The following ADGRL2 variants were observed in gnomAD, a reference collection of about 807,000 sequenced individuals.
ADGRL2 encodes the protein adhesion G protein-coupled receptor L2, also known as calcium-independent alpha-latrotoxin receptor 2.
A neutral mutation model predicts 157.4 loss-of-function variants in ADGRL2; 44 were observed. That is an observed-to-expected ratio of 0.28 (90% CI 0.22 to 0.36). The LOEUF (loss-of-function observed/expected upper bound fraction) is 0.36, where lower values mean the gene tolerates loss of function less well. Ranked by LOEUF, ADGRL2 falls within the 10% of genes least tolerant of loss-of-function variation. The pLI is 1.00. For missense variants in ADGRL2, 1,510 were observed against 1,768.9 expected, an observed-to-expected ratio of 0.85 and a Z score of 2.63; for synonymous variants, 585 against 624.7, an observed-to-expected ratio of 0.94 and a Z score of 0.95.
intron 3 of ADGRL2, among the ~76,000 whole-genome samples, chr1:81,648,988 C>T (rs972575505): frequency 2.0e-5 from 3 of 152,160 alleles, no homozygotes; most frequent in African/African-American, 7.2e-5. Flanking sequence ...AGTATTCCAG[C>T]TCAGGCATTA....
chr1:81,325,220 C>T (rs775485781), intron 1 of ADGRL2, among the ~76,000 whole-genome samples: 5 of 152,236 alleles, frequency 3.3e-5, no homozygotes, highest in South Asian at 2.1e-4. Flanking sequence ...ACCCAGTCCA[C>T]GAAAGAACTG....
At chr1:81,485,388 AT>A (rs1328695708) in intron 2 of ADGRL2, among the ~76,000 whole-genome samples, 1 of 152,106 alleles carries the variant, frequency 6.6e-6, no homozygotes, top group Non-Finnish European at 1.5e-5. Context: ...ATTTTGAGTG[AT>A]TTTTTGAACA....
intron 3 of ADGRL2, among the ~76,000 whole-genome samples, chr1:81,928,732 T>G (rs2095165041): frequency 6.6e-6 from 1 of 152,268 alleles, no homozygotes; most frequent in Middle Eastern, 3.4e-3. Context: ...GCATATACAA[T>G]TCACCTAAGG....
intron 2 of ADGRL2, among the ~76,000 whole-genome samples, chr1:81,552,187 C>T (rs1218808838): frequency 6.6e-6 from 1 of 152,034 alleles, no homozygotes; most frequent in Non-Finnish European, 1.5e-5. Flanking sequence ...TCCACTAGGC[C>T]CGAGAAGAGT....
intron 1 of ADGRL2, among the ~76,000 whole-genome samples, chr1:81,415,925 C>G (rs535895214): frequency 6.6e-6 from 1 of 151,544 alleles, no homozygotes; most frequent in South Asian, 2.1e-4. Flanking sequence ...ACTGCAAGCT[C>G]GGCCTCCCGG....
At chr1:81,985,615 A>G (rs1318372136) in intron 21 of ADGRL2, among the ~76,000 whole-genome samples, 1 of 151,956 alleles carries the variant, frequency 6.6e-6, no homozygotes, top group East Asian at 1.9e-4. Flanking sequence ...TATTCACATG[A>G]AACAGTACCA....
chr1:81,431,326 C>T (rs562217144), intron 1 of ADGRL2, among the ~76,000 whole-genome samples: 1 of 148,978 alleles, frequency 6.7e-6, no homozygotes, highest in East Asian at 2.2e-4. Context: ...CCCCACTAAG[C>T]CTAACCACAA....
At chr1:81,874,700 T>C (rs1376585960) in intron 2 of ADGRL2, among the ~76,000 whole-genome samples, 1 of 151,864 alleles carries the variant, frequency 6.6e-6, no homozygotes, top group East Asian at 1.9e-4. Flanking sequence ...GCTTCTCTTC[T>C]CTTCTCTTTT....
At chr1:81,390,376 G>A (rs1264360506) in intron 1 of ADGRL2, among the ~76,000 whole-genome samples, 19 of 152,392 alleles carry the variant, frequency 1.2e-4, no homozygotes, top group African/African-American at 4.1e-4. Context: ...ACTGCAAATG[G>A]TCTGCACAAA....
intron 2 of ADGRL2, among the ~76,000 whole-genome samples, chr1:81,891,669 T>TGTAGA (rs1338067776): frequency 2.0e-5 from 3 of 152,182 alleles, no homozygotes; most frequent in Non-Finnish European, 4.4e-5. Context: ...AGCACTTTTA[T>TGTAGA]GTAGAGTATT....
chr1:81,618,521 G>A (rs902743201), intron 3 of ADGRL2, among the ~76,000 whole-genome samples: 3 of 152,098 alleles, frequency 2.0e-5, no homozygotes, highest in Non-Finnish European at 2.9e-5. Context: ...TTTTTCCTTG[G>A]TCTGAGGTTG....
chr1:81,518,963 T>C (rs1454562005), intron 2 of ADGRL2, among the ~76,000 whole-genome samples: 2 of 152,234 alleles, frequency 1.3e-5, no homozygotes, highest in Non-Finnish European at 2.9e-5. Context: ...CTGATAATCA[T>C]ATCTTATATG....
chr1:81,743,953 A>G (rs2085159612), intron 1 of ADGRL2, among the ~76,000 whole-genome samples: 1 of 152,134 alleles, frequency 6.6e-6, no homozygotes, highest in Admixed American at 6.6e-5. Flanking sequence ...GCATGCCAAC[A>G]TTGAAGGAAA....
chr1:81,573,932 C>T (rs888936738), intron 2 of ADGRL2, among the ~76,000 whole-genome samples: 1 of 152,088 alleles, frequency 6.6e-6, no homozygotes, highest in African/African-American at 2.4e-5. Context: ...TTAGAGAAGT[C>T]TCTAATTGAA....
rs147583631 is a variant in ADGRL2 at position 81,569,491 on chromosome 1, C to G, written c.-247-11385C>G. Among the ~76,000 whole-genome samples, 13 of 152,248 alleles carry G rather than the reference C, an allele frequency of 8.5e-5. No individual in the cohort carries two copies. In the South Asian group the frequency reaches 2.7e-3, roughly 32 times the overall value. ...TAGTTTGTTGGTTCTGGCTCAAGGT[C>G]TCTTAGGAGATTGTCGTCAAGATGT... On this transcript the variant is annotated intron_variant, in intron 2 of 24. Coordinates refer to the ADGRL2 transcript ENST00000370721.
At chr1:81,653,942 CT>C (rs2082476573) in intron 3 of ADGRL2, among the ~76,000 whole-genome samples, 1 of 151,984 alleles carries the variant, frequency 6.6e-6, no homozygotes, top group Non-Finnish European at 1.5e-5. Flanking sequence ...TTCTTTCTTT[CT>C]TCCTTTTTTA....
intron 2 of ADGRL2, among the ~76,000 whole-genome samples, chr1:81,851,033 T>A (rs2092987475): frequency 6.6e-6 from 1 of 151,868 alleles, no homozygotes; most frequent in South Asian, 2.1e-4. Flanking sequence ...TCACTAATGA[T>A]CACCCAAAAA....
At chr1:81,885,240 A>T (rs114292873) in intron 2 of ADGRL2, among the ~76,000 whole-genome samples, 88 of 152,300 alleles carry the variant, frequency 5.8e-4, no homozygotes, top group African/African-American at 2.1e-3. Context: ...ATAAATGTTA[A>T]CTGTAACATA....
At chr1:81,875,725 T>C (rs2093822075) in intron 2 of ADGRL2, among the ~76,000 whole-genome samples, 1 of 152,150 alleles carries the variant, frequency 6.6e-6, no homozygotes, top group South Asian at 2.1e-4. Flanking sequence ...TTGTTATTGT[T>C]TTTGGAGGGG....
Sources: gnomAD v4.1 joint callset for allele counts (sites outside exome capture counted in the v4.1 genomes callset) on GRCh38, gnomAD v4.1.1 for gene constraint, MANE v1.5 for transcripts, NCBI Gene and HGNC (gene_info 2026-07-23, HGNC 2026-07-21) for gene names.